The following DNLZ variants were observed in gnomAD, a reference collection of about 807,000 sequenced individuals.
The protein encoded by DNLZ is DNL-type zinc finger.
A neutral mutation model predicts 7.8 loss-of-function variants in DNLZ; 15 were observed. That is an observed-to-expected ratio of 1.91 (90% CI 1.28 to 2.95). The LOEUF (loss-of-function observed/expected upper bound fraction) is 2.95, where lower values mean the gene tolerates loss of function less well. Ranked by LOEUF, DNLZ falls within the 30% of genes most tolerant of loss-of-function variation. The probability of loss-of-function intolerance (pLI) is 0.00; values close to 1 mark genes in which losing one functional copy is unlikely to be tolerated. For synonymous variants in DNLZ, 123 were observed against 77.8 expected (o/e 1.58, Z -3.05); for missense variants, 255 against 167.3 (o/e 1.52, Z -2.89).
Position 136,362,118 on chromosome 9 carries a change from G to GC in DNLZ, c.430dup (p.Ala144GlyfsTer22). 1 of 1,496,154 alleles carries GC rather than the reference G, an allele frequency of 6.7e-7. No individual in the cohort carries two copies. The highest frequency in any genetic ancestry group is 1.3e-5 in the South Asian group (1 of 75,962). 92.7% of individuals were successfully genotyped at this position (1,496,154 alleles called of 1,614,324 possible). A position where few individuals can be genotyped will look rare whatever the true frequency, so the allele number is the denominator to read the frequency against. ...TGCAGCCTCCAGAACCAGTTCCAGG[G>GC]CCCCCTCGCCCGCCACACGGTGCAC... On this transcript the variant is annotated frameshift_variant, in exon 3 of 3. Coordinates refer to ENST00000371738, the MANE Select transcript of DNLZ (RefSeq NM_001080849.3). LOFTEE classifies it low-confidence loss of function (END_TRUNC).
Position 136,363,001 on chromosome 9 carries a change from A to G in DNLZ, c.356T>C (p.Leu119Pro). 6.2e-7 allele frequency: 1 copy of G among 1,613,710 alleles called. No individual in the cohort carries two copies. Among genetic ancestry groups the G allele is most frequent in the Non-Finnish European group, 8.5e-7 (1 of 1,179,966 alleles). The change falls in exon 2 of 3, where the codon CTG becomes CCG. Residue 119 changes from leucine to proline, a missense_variant. By Grantham distance (98) the Leu-to-Pro change is moderately conservative. Transcript: ENST00000371738. ...IADNLGWFSD[L>P]NGKRNIEEIL... is the part of the protein sequence containing the mutation. ...GTACAGGCCTCACCTCTTCCCATTC[A>G]GGTCCGAGAACCAGCCCAGGTTGTC...
Position 136,363,518 on chromosome 9 carries a change from G to T in DNLZ, c.197C>A (p.Ala66Glu), listed in dbSNP as rs765308270. The T allele has an allele frequency of 6.6e-6, 5 of 753,128 alleles. No homozygotes were observed. The African/African-American group carries it at 6.8e-5, about 10-fold the overall frequency. 46.7% of individuals were successfully genotyped at this position (753,128 alleles called of 1,614,324 possible). A position where few individuals can be genotyped will look rare whatever the true frequency, so the allele number is the denominator to read the frequency against. The change falls in exon 1 of 3, where the codon GCG becomes GAG. Residue 66 changes from alanine to glutamate, a missense_variant. Physicochemically the swap from Ala to Glu is moderately radical, Grantham distance 107. Transcript: ENST00000371738. ...GPAAALGRVEAAHYQLVYTCK... is the reference protein window; with the variant it reads ...GPAAALGRVEEAHYQLVYTCK... ...GGTGTAGACGAGCTGGTAGTGCGCC[G>T]CCTCCACGCGCCCCAGAGCCGCCGC... is the stretch of plus-strand genomic sequence containing the variant.
chr9:136,363,150 G>A lies in DNLZ; in HGVS notation c.229-22C>T, dbSNP rs188830148. ...AGACCTGGCTGGGACAGGGTAGCTG[G>A]TGAGGCTGTGAGGGCCGCCACGCCC... On this transcript the variant is annotated intron_variant, in intron 1 of 2. Transcript: ENST00000371738. The A allele has an allele frequency of 2.9e-3, 4,643 of 1,609,840 alleles. 192 individuals carry two copies. The Admixed American group carries it at 0.069, about 24-fold the overall frequency.
Position 136,361,694 on chromosome 9 carries a change from G to C in DNLZ, c.*318C>G, listed in dbSNP as rs1294786589. 1 of 284,334 alleles carries C rather than the reference G, an allele frequency of 3.5e-6. No individual in the cohort carries two copies. The highest frequency in any genetic ancestry group is 5.3e-5 in the Admixed American group (1 of 18,996). The allele number at this position is 284,334 out of a possible 1,614,324, so 17.6% of individuals were successfully genotyped here. On this transcript the variant is annotated 3_prime_UTR_variant, in exon 3 of 3. Coordinates refer to ENST00000371738, the MANE Select transcript of DNLZ (RefSeq NM_001080849.3). ...ACCTGCTCAAAGTCACGCAGCGACAGCCAGGAAGGGCTCTGACGCCACATC... is the reference window on the plus strand; with the variant it reads ...ACCTGCTCAAAGTCACGCAGCGACACCCAGGAAGGGCTCTGACGCCACATC...
chr9:136,362,173 C>T lies in DNLZ; in HGVS notation c.376G>A (p.Glu126Lys), dbSNP rs528240063. The T allele has an allele frequency of 1.1e-5, 16 of 1,491,076 alleles. No homozygotes were observed. The East Asian group carries it at 1.3e-4, about 13-fold the overall frequency. 92.4% of individuals were successfully genotyped at this position (1,491,076 alleles called of 1,614,324 possible). The part of the protein sequence containing the change: ...FSDLNGKRNI[E>K]EILTARGEQV... ...TCGCCTCTGGCCGTCAGGATCTCTT[C>T]GATATTTCTGGGGGGCAGGGAGGCA... is the stretch of plus-strand genomic sequence containing the variant. The change falls in exon 3 of 3, where the codon GAA becomes AAA. Residue 126 changes from glutamate to lysine, a missense_variant. By Grantham distance (56) the Glu-to-Lys change is moderately conservative. Transcript: ENST00000371738.
In DNLZ at chr9:136,361,603, C is replaced by T. The variant is rs1045470250; in HGVS notation, c.*409G>A. 5 of 167,430 alleles carry T rather than the reference C, an allele frequency of 3.0e-5. No individual in the cohort carries two copies. The highest frequency in any genetic ancestry group is 2.0e-4 in the South Asian group (1 of 4,990). The allele number at this position is 167,430 out of a possible 1,614,324, so 10.4% of individuals were successfully genotyped here. Reference sequence around the variant, plus strand: ...CTGCACTGGCTCACGGAAGGGAGGCCGCCAGAGCTGGCCAGGGGGGCGGCA... The same window carrying T: ...CTGCACTGGCTCACGGAAGGGAGGCTGCCAGAGCTGGCCAGGGGGGCGGCA... On this transcript the variant is annotated 3_prime_UTR_variant, in exon 3 of 3. Coordinates refer to ENST00000371738, the MANE Select transcript of DNLZ (RefSeq NM_001080849.3).
chr9:136,363,734 C>CGCACTGCCCCG lies in DNLZ; in HGVS notation c.-21_-20insCGGGGCAGTGC, dbSNP rs1833033832. 1.3e-5 allele frequency: 6 copies of CGCACTGCCCCG among 454,782 alleles called. No individual in the cohort carries two copies. The highest frequency in any genetic ancestry group is 4.7e-5 in the African/African-American group (2 of 42,722). The allele number at this position is 454,782 out of a possible 1,614,324, so 28.2% of individuals were successfully genotyped here. A position where few individuals can be genotyped will look rare whatever the true frequency, so the allele number is the denominator to read the frequency against. ...CAGCATCCCGCTCGCCGGCTCCGTCCGCCCTGCCCCGGCCCCGCCCCGCCG... is the reference window on the plus strand; with the variant it reads ...CAGCATCCCGCTCGCCGGCTCCGTCCGCACTGCCCCGGCCCTGCCCCGGCCCCGCCCCGCCG... On this transcript the variant is annotated 5_prime_UTR_variant, in exon 1 of 3. Transcript: ENST00000371738.
rs1055940662 is a variant in DNLZ at position 136,360,291 on chromosome 9, C to T, written c.*1721G>A. ...GCTTGCGTGTGGTGGTACACGCACA[C>T]AGGGTCCAAGTAACCGTGCAGGGCC... On this transcript the variant is annotated 3_prime_UTR_variant, in exon 3 of 3. Transcript: ENST00000371738. 1.3e-5 allele frequency: 2 copies of T among 152,280 alleles called. No individual in the cohort carries two copies. The highest frequency in any genetic ancestry group is 4.8e-5 in the African/African-American group (2 of 41,454). 9.4% of individuals were successfully genotyped at this position (152,280 alleles called of 1,614,324 possible).
At chr9:136,362,470 G>A (rs186773686) in intron 2 of DNLZ, among the ~76,000 whole-genome samples, 120 of 152,294 alleles carry the variant, frequency 7.9e-4, no homozygotes, top group African/African-American at 2.8e-3. Flanking sequence ...CAGCTCCAAG[G>A]GCCAGGTACC....
rs946996630 is a variant in DNLZ, at chr9:136,360,663, G to A, written c.*1349C>T. On this transcript the variant is annotated 3_prime_UTR_variant, in exon 3 of 3. Coordinates refer to ENST00000371738, the MANE Select transcript of DNLZ (RefSeq NM_001080849.3). ...CTTCTCTAGGAACGTGCCAGCCTTG[G>A]GAAGGATTTCCCTCCAGGGCCAGCC... is the stretch of plus-strand genomic sequence containing the variant. 6.6e-6 allele frequency: 1 copy of A among 152,156 alleles called. No homozygotes were observed. The highest frequency in any genetic ancestry group is 2.4e-5 in the African/African-American group (1 of 41,420). The allele number at this position is 152,156 out of a possible 1,614,324, so 9.4% of individuals were successfully genotyped here.
rs1425677992 is a variant in DNLZ, at chr9:136,363,637, C to A, written c.78G>T (p.Leu26=). ...VQPRAPCLRR[L]WGRGARPEVA... ...CCTCTGGACGGGCCCCGCGGCCCCA[C>A]AGCCGCCTCAGGCAGGGCGCCCGGG... is the stretch of plus-strand genomic sequence containing the variant. The change falls in exon 1 of 3, where the codon CTG becomes CTT. Residue 26 remains leucine (L), a synonymous_variant. Transcript: ENST00000371738. The A allele has an allele frequency of 4.5e-6, 2 of 443,314 alleles. No individual in the cohort carries two copies. Among genetic ancestry groups the A allele is most frequent in the Admixed American group, 8.5e-5 (2 of 23,504 alleles). 27.5% of individuals were successfully genotyped at this position (443,314 alleles called of 1,614,324 possible).
rs1168577938 is a variant in DNLZ, at chr9:136,363,722, G to A, written c.-8C>T. 3 of 445,090 alleles carry A rather than the reference G, an allele frequency of 6.7e-6. No individual in the cohort carries two copies. The highest frequency in any genetic ancestry group is 4.0e-5 in the East Asian group (1 of 25,278). 27.6% of individuals were successfully genotyped at this position (445,090 alleles called of 1,614,324 possible). ...CAGCGCAGTCCGCAGCATCCCGCTCGCCGGCTCCGTCCGCCCTGCCCCGGC... is the reference window on the plus strand; with the variant it reads ...CAGCGCAGTCCGCAGCATCCCGCTCACCGGCTCCGTCCGCCCTGCCCCGGC... On this transcript the variant is annotated 5_prime_UTR_variant, in exon 1 of 3. Transcript: ENST00000371738.
Position 136,363,113 on chromosome 9 carries a change from AC to A in DNLZ, c.243del (p.Arg81SerfsTer18), listed in dbSNP as rs1833013518. On this transcript the variant is annotated frameshift_variant, in exon 2 of 3. Transcript: ENST00000371738. LOFTEE classifies it high-confidence loss of function. Reference sequence around the variant, plus strand: ...GCCAGCTTGGAGATGCGCTTGGAGGACCTAGTCCCGCAGACCTGGCTGGGAC... The same window carrying A: ...GCCAGCTTGGAGATGCGCTTGGAGGACTAGTCCCGCAGACCTGGCTGGGAC... ...LVYTCKVCGT[R>X]SSKRISKLAY... 6.2e-7 allele frequency: 1 copy of A among 1,613,214 alleles called. No homozygotes were observed. The highest frequency in any genetic ancestry group is 1.3e-5 in the African/African-American group (1 of 74,916).
rs748342970 is a variant in DNLZ, at chr9:136,362,184, G to C, written c.369-4C>G. On this transcript the variant is annotated splice_region_variant and splice_polypyrimidine_tract_variant and intron_variant, in intron 2 of 2. Transcript: ENST00000371738. ...CGTCAGGATCTCTTCGATATTTCTG[G>C]GGGGCAGGGAGGCAACATGGCTCTT... 31 of 1,484,646 alleles carry C rather than the reference G, an allele frequency of 2.1e-5. No homozygotes were observed. The East Asian group carries it at 6.5e-4, about 31-fold the overall frequency. 92.0% of individuals were successfully genotyped at this position (1,484,646 alleles called of 1,614,324 possible). A position where few individuals can be genotyped will look rare whatever the true frequency, so the allele number is the denominator to read the frequency against.
rs1032240404 is a variant in DNLZ at position 136,359,748 on chromosome 9, G to C, written c.*2264C>G. The C allele has an allele frequency of 6.6e-6, 1 of 152,332 alleles. No individual in the cohort carries two copies. Among genetic ancestry groups the C allele is most frequent in the East Asian group, 1.9e-4 (1 of 5,204 alleles). The allele number at this position is 152,332 out of a possible 1,614,324, so 9.4% of individuals were successfully genotyped here. ...ACTGCATTTAACCACGGGGGAGCTG[G>C]GGCACAGAGGGGTGAAGTGGCTGCC... On this transcript the variant is annotated 3_prime_UTR_variant, in exon 3 of 3. Transcript: ENST00000371738.
intron 2 of DNLZ, 69 bp from the exon 3 acceptor site, chr9:136,362,249 G>A: frequency 7.4e-7 from 1 of 1,346,860 alleles, no homozygotes; most frequent in South Asian, 1.8e-5. Flanking sequence ...TCCCCTCAGG[G>A]CGCCCCATGG....
chr9:136,363,236 G>T lies in DNLZ; in HGVS notation c.229-108C>A, dbSNP rs562684097. On this transcript the variant is annotated intron_variant, in intron 1 of 2. Transcript: ENST00000371738. The stretch of plus-strand genomic sequence containing the variant: ...AGCCACCTCACCCTCTCCAGAGAAG[G>T]CCCCGCCCCCGAGGGATAGCTCCAC... The T allele has an allele frequency of 3.4e-5, 46 of 1,369,484 alleles. No individual in the cohort carries two copies. The East Asian group carries it at 1.0e-3, about 31-fold the overall frequency. The allele number at this position is 1,369,484 out of a possible 1,614,324, so 84.8% of individuals were successfully genotyped here. A position where few individuals can be genotyped will look rare whatever the true frequency, so the allele number is the denominator to read the frequency against.
chr9:136,362,298 T>C, intron 2 of DNLZ, 118 bp from the exon 3 acceptor site: 1 of 939,800 alleles, frequency 1.1e-6, no homozygotes, highest in Non-Finnish European at 1.4e-6. Flanking sequence ...AGCACTCCTG[T>C]GGCATCAGGC....
Position 136,360,260 on chromosome 9 carries a change from C to A in DNLZ, c.*1752G>T, listed in dbSNP as rs1322690637. On this transcript the variant is annotated 3_prime_UTR_variant, in exon 3 of 3. Coordinates refer to ENST00000371738, the MANE Select transcript of DNLZ (RefSeq NM_001080849.3). ...AACGTGTACTCCAGGTCCAGGGTCC[C>A]AGCCAGCTTGCGTGTGGTGGTACAC... is the stretch of plus-strand genomic sequence containing the variant. 1 of 152,344 alleles carries A rather than the reference C, an allele frequency of 6.6e-6. No homozygotes were observed. Among genetic ancestry groups the A allele is most frequent in the Non-Finnish European group, 1.5e-5 (1 of 68,122 alleles). The allele number at this position is 152,344 out of a possible 1,614,324, so 9.4% of individuals were successfully genotyped here.
Sources: gnomAD v4.1 joint callset for allele counts (sites outside exome capture counted in the v4.1 genomes callset) on GRCh38, gnomAD v4.1.1 for gene constraint, MANE v1.5 for transcripts, NCBI Gene and HGNC (gene_info 2026-07-23, HGNC 2026-07-21) for gene names.